Variants in SMOC2 observed in about 807,000 individuals in gnomAD.
SMOC2 encodes SPARC-related modular calcium-binding protein 2.
Under a neutral mutation model 61.4 loss-of-function variants are expected in SMOC2, and 39 were observed. The ratio of observed to expected loss-of-function variants is 0.64; its 90% CI spans 0.49 to 0.83. The LOEUF (loss-of-function observed/expected upper bound fraction) is 0.83. Among genes scored for constraint, SMOC2 ranks in the 40% least tolerant of loss-of-function variants. SMOC2 has a pLI of 0.00. For missense variants in SMOC2, 556 were observed against 592.9 expected (o/e 0.94, Z 0.65); for synonymous variants, 247 against 239.9 (o/e 1.03, Z -0.27).
chr6:168,564,256 C>T (rs1347117301), intron 7 of SMOC2, among the ~76,000 whole-genome samples: 1 of 152,040 alleles, frequency 6.6e-6, no homozygotes, highest in Non-Finnish European at 1.5e-5. Context: ...TCTGAGCCGT[C>T]CTTTCACTCT....
At chr6:168,526,200 A>C (rs1440207194) in intron 2 of SMOC2, 146 bp from the exon 3 acceptor site, 8 of 666,094 alleles carry the variant, frequency 1.2e-5, no homozygotes, top group Non-Finnish European at 2.1e-5. Context: ...CTTTTCTGAG[A>C]GCTGAGCTGC....
intron 1 of SMOC2, among the ~76,000 whole-genome samples, chr6:168,447,733 C>T (rs568410068): frequency 7.2e-5 from 11 of 151,988 alleles, no homozygotes; most frequent in African/African-American, 2.2e-4. Flanking sequence ...GGTTCAGAGC[C>T]CTTGAGTGCA....
intron 1 of SMOC2, among the ~76,000 whole-genome samples, chr6:168,493,992 A>G (rs1782528741): frequency 6.6e-6 from 1 of 152,128 alleles, no homozygotes; most frequent in African/African-American, 2.4e-5. Context: ...TGGTAACCTT[A>G]AAATATTATG....
chr6:168,621,602 G>T (rs113795673), intron 9 of SMOC2, among the ~76,000 whole-genome samples: 3,178 of 152,300 alleles, frequency 0.021, 53 homozygotes, highest in Non-Finnish European at 0.034. Flanking sequence ...ACATGGCTGG[G>T]GAGGCCTCAG....
chr6:168,549,345 T>C (rs1784079533), intron 7 of SMOC2, 142 bp downstream of exon 7: 1 of 685,038 alleles, frequency 1.5e-6, no homozygotes, highest in Non-Finnish European at 2.5e-6. Flanking sequence ...GGCACAAACA[T>C]CTGAGGATAA....
At chr6:168,447,851 T>C (rs933786157) in intron 1 of SMOC2, among the ~76,000 whole-genome samples, 7 of 150,504 alleles carry the variant, frequency 4.7e-5, no homozygotes, top group African/African-American at 1.7e-4. Flanking sequence ...AAAAAAATGC[T>C]GTGGTATGTA....
chr6:168,582,376 G>A (rs146784415), intron 7 of SMOC2, among the ~76,000 whole-genome samples: 1,841 of 152,324 alleles, frequency 0.012, 43 homozygotes, highest in African/African-American at 0.042. Context: ...GTGGGTGAGT[G>A]TGAGTGCGTG....
intron 7 of SMOC2, among the ~76,000 whole-genome samples, chr6:168,591,497 T>C (rs924309186): frequency 6.6e-5 from 10 of 152,164 alleles, no homozygotes; most frequent in African/African-American, 2.4e-4. Context: ...ACCTTCAGAT[T>C]GAGGCAAAGC....
At position 168,551,611 on chromosome 6, in the gene SMOC2, A is replaced by T. The variant is rs547371279; in HGVS notation, c.637+2408A>T. On this transcript the variant is annotated intron_variant, in intron 7 of 12. Transcript: ENST00000356284. ...TGGGACTACAGGCACCCACCACCAC[A>T]CCCAGCTAATTTTTGTATTTCTAGT... Among the ~76,000 whole-genome samples, 6 of 151,728 alleles carry T rather than the reference A, an allele frequency of 4.0e-5. No individual in the cohort carries two copies. The South Asian group carries it at 1.3e-3, about 32-fold the overall frequency.
chr6:168,563,678 A>G (rs1244842138), intron 7 of SMOC2, among the ~76,000 whole-genome samples: 3 of 152,122 alleles, frequency 2.0e-5, no homozygotes, highest in Admixed American at 6.5e-5. Context: ...CTCCTGCCAC[A>G]TGAGCTCAAC....
At chr6:168,540,721 G>T (rs769671324) in intron 4 of SMOC2, among the ~76,000 whole-genome samples, 1 of 152,166 alleles carries the variant, frequency 6.6e-6, no homozygotes, top group East Asian at 1.9e-4. Context: ...GCACAGAGAC[G>T]CCGTCTAGAC....
At position 168,444,891 on chromosome 6, in the gene SMOC2, G is replaced by A. The variant is rs184815080; in HGVS notation, c.84+3437G>A. ...GGCAGAGAGAAGAACAATATTGCCT[G>A]GGACCCCTTTCCCAGAAGTTTTTGG... is the stretch of plus-strand genomic sequence containing the variant. On this transcript the variant is annotated intron_variant, in intron 1 of 12. Transcript: ENST00000356284. Among the ~76,000 whole-genome samples, 727 of 152,232 alleles carry A rather than the reference G, an allele frequency of 4.8e-3. 4 individuals are homozygous for A. Among genetic ancestry groups the A allele is most frequent in the Non-Finnish European group, 8.5e-3 (578 of 67,994 alleles).
At chr6:168,555,738 C>G (rs949396757) in intron 7 of SMOC2, among the ~76,000 whole-genome samples, 2 of 152,164 alleles carry the variant, frequency 1.3e-5, no homozygotes, top group Non-Finnish European at 2.9e-5. Flanking sequence ...CAGCCTGCAG[C>G]GGGGAGTGGC....
intron 9 of SMOC2, among the ~76,000 whole-genome samples, chr6:168,649,118 G>A (rs78051997): frequency 6.6e-6 from 1 of 152,304 alleles, no homozygotes; most frequent in African/African-American, 2.4e-5. Context: ...CTTCCTCTGA[G>A]GGCCACGGGG....
chr6:168,539,399 C>T (rs1046474166), intron 4 of SMOC2, among the ~76,000 whole-genome samples: 1 of 152,162 alleles, frequency 6.6e-6, no homozygotes, highest in African/African-American at 2.4e-5. Context: ...CAGCTCCGTC[C>T]CACTGCACCA....
At chr6:168,645,350 T>C (rs114319609) in intron 9 of SMOC2, among the ~76,000 whole-genome samples, 3,492 of 152,230 alleles carry the variant, frequency 0.023, 152 homozygotes, top group African/African-American at 0.08. Flanking sequence ...TATGATACAT[T>C]CTTAAAATGG....
chr6:168,579,256 T>A (rs1313988277), intron 7 of SMOC2, among the ~76,000 whole-genome samples: 1 of 64,108 alleles, frequency 1.6e-5, no homozygotes, highest in Non-Finnish European at 3.7e-5. Context: ...CTCATCTTAA[T>A]TTTTTAAAGC....
chr6:168,481,175 C>A (rs1178798628), intron 1 of SMOC2, among the ~76,000 whole-genome samples: 1 of 152,086 alleles, frequency 6.6e-6, no homozygotes, highest in Non-Finnish European at 1.5e-5. Context: ...AAATACTTGT[C>A]AGTTATATAG....
At chr6:168,652,852 T>G in intron 10 of SMOC2, 102 bp from the exon 11 acceptor site, 7 of 1,050,094 alleles carry the variant, frequency 6.7e-6, no homozygotes, top group Non-Finnish European at 8.5e-6. Context: ...ACCAGGACCA[T>G]GAGAACTACA....
Sources: allele counts gnomAD v4.1 joint callset (sites outside exome capture counted in the v4.1 genomes callset), GRCh38; gene constraint gnomAD v4.1.1; transcripts MANE v1.5; gene names NCBI Gene and HGNC (gene_info 2026-07-23, HGNC 2026-07-21).